AGTPBP1: variants seen among roughly 807,000 people sequenced by gnomAD.
The protein encoded by AGTPBP1 is cytosolic carboxypeptidase 1.
A neutral mutation model predicts 143.9 loss-of-function variants in AGTPBP1; 70 were observed. The ratio of observed to expected loss-of-function variants is 0.49; its 90% CI spans 0.40 to 0.59. The LOEUF (loss-of-function observed/expected upper bound fraction) is 0.59. AGTPBP1 is among the 20% of genes least tolerant of loss of function. The pLI is 0.00. For synonymous variants in AGTPBP1, 463 were observed against 500.2 expected (o/e 0.93, Z 0.99); for missense variants, 1,229 against 1,464.5 (o/e 0.84, Z 2.62).
At chr9:85,801,205 G>C in the AGTPBP1 span, among the ~76,000 whole-genome samples, 2 of 151,964 alleles carry the variant, frequency 1.3e-5, no homozygotes, top group Non-Finnish European at 1.5e-5. Context: ...CCAGCTACTC[G>C]GGAGGCTGAG....
At position 85,655,179 on chromosome 9, in the gene AGTPBP1, C is replaced by T. The variant is rs1204687927; in HGVS notation, c.1051G>A (p.Gly351Ser). ...AAGCTGTAGAGCTGAGCCACAGGAC[C>T]AGTCACAGGAATAACAGGCAACTGG... ...HFQLPVIPVT[G>S]PVAQLYSLPP... The change falls in exon 11 of 26, where the codon GGT (glycine) becomes AGT (serine). Residue 351 changes from glycine (G) to serine (S), a missense_variant. Physicochemically the swap from Gly to Ser is moderately conservative, Grantham distance 56. Coordinates refer to ENST00000357081, the MANE Select transcript of AGTPBP1 (RefSeq NM_001330701.2). 6.2e-7 allele frequency: 1 copy of T among 1,613,558 alleles called. No homozygotes were observed. The highest frequency in any genetic ancestry group is 1.1e-5 in the South Asian group (1 of 91,000).
intron 17 of AGTPBP1, among the ~76,000 whole-genome samples, chr9:85,596,957 T>C (rs533508132): frequency 2.0e-5 from 3 of 152,250 alleles, no homozygotes; most frequent in African/African-American, 7.2e-5. Flanking sequence ...TGGATATTCT[T>C]AGAAATATAT....
chr9:85,776,735 CATT>C, the AGTPBP1 span, among the ~76,000 whole-genome samples: 1 of 152,234 alleles, frequency 6.6e-6, no homozygotes, highest in Non-Finnish European at 1.5e-5. Flanking sequence ...TTAATGGAAT[CATT>C]GTTGTGTCTC....
At chr9:85,709,596 A>G (rs532940154) in intron 2 of AGTPBP1, among the ~76,000 whole-genome samples, 1 of 152,336 alleles carries the variant, frequency 6.6e-6, no homozygotes, top group Non-Finnish European at 1.5e-5. Context: ...AATGGACAAC[A>G]GATTCTATAC....
chr9:85,548,673 T>G (rs867682854), intron 25 of AGTPBP1, among the ~76,000 whole-genome samples: 1,491 of 142,836 alleles, frequency 0.01, 29 homozygotes, highest in African/African-American at 0.041. Context: ...TGGTTTTTTT[T>G]TGTTTTTGTT....
intron 7 of AGTPBP1, 79 bp from the exon 8 acceptor site, chr9:85,669,657 A>C (rs552883735): frequency 6.0e-6 from 5 of 831,154 alleles, no homozygotes; most frequent in South Asian, 4.5e-5. Flanking sequence ...ATACATAGGC[A>C]AAAACATATA....
intron 2 of AGTPBP1, among the ~76,000 whole-genome samples, chr9:85,708,328 G>C (rs1350032670): frequency 1.3e-5 from 2 of 152,000 alleles, no homozygotes; most frequent in Non-Finnish European, 2.9e-5. Flanking sequence ...TCTACATCAA[G>C]ATGCTCAATT....
At chr9:85,637,899 G>C (rs1022092929) in intron 13 of AGTPBP1, among the ~76,000 whole-genome samples, 4 of 152,156 alleles carry the variant, frequency 2.6e-5, no homozygotes, top group African/African-American at 9.7e-5. Context: ...GACAGCATGT[G>C]CACAAGTGCA....
intron 17 of AGTPBP1, among the ~76,000 whole-genome samples, chr9:85,607,323 T>C (rs1830050568): frequency 6.6e-6 from 1 of 152,070 alleles, no homozygotes; most frequent in Non-Finnish European, 1.5e-5. Flanking sequence ...AACAATGTAT[T>C]CTCATATCAC....
chr9:85,692,905 T>C, intron 2 of AGTPBP1, 92 bp from the exon 3 acceptor site: 1 of 1,421,414 alleles, frequency 7.0e-7, no homozygotes, highest in Non-Finnish European at 9.6e-7. Flanking sequence ...AATTCTACTC[T>C]TTTAAAAACA....
intron 25 of AGTPBP1, among the ~76,000 whole-genome samples, chr9:85,552,575 T>C (rs967227123): frequency 1.3e-5 from 2 of 152,190 alleles, no homozygotes; most frequent in African/African-American, 4.8e-5. Context: ...ATTTCCTCTC[T>C]CTGAGCACAG....
At chr9:85,716,057 G>A (rs547227346) in intron 1 of AGTPBP1, among the ~76,000 whole-genome samples, 4 of 152,128 alleles carry the variant, frequency 2.6e-5, no homozygotes, top group Non-Finnish European at 5.9e-5. Context: ...TATGCACACT[G>A]TCAACAAGTC....
chr9:85,599,035 A>G (rs895148619), intron 17 of AGTPBP1, among the ~76,000 whole-genome samples: 1 of 151,820 alleles, frequency 6.6e-6, no homozygotes, highest in African/African-American at 2.4e-5. Context: ...TGACACTAAT[A>G]TTAACCACTT....
intron 2 of AGTPBP1, 140 bp from the exon 3 acceptor site, chr9:85,692,953 A>G: frequency 1.3e-6 from 1 of 744,052 alleles, no homozygotes; most frequent in Non-Finnish European, 2.1e-6. Flanking sequence ...ACTCTGTTCT[A>G]TAGCTTAATA....
chr9:85,672,823 C>G (rs971370952), intron 6 of AGTPBP1, 142 bp from the exon 7 acceptor site: 5 of 568,628 alleles, frequency 8.8e-6, no homozygotes, highest in Non-Finnish European at 1.4e-5. Flanking sequence ...CAACCTCTGG[C>G]TCCCAGGTTG....
At chr9:85,556,715 C>T (rs1416913781) in intron 25 of AGTPBP1, among the ~76,000 whole-genome samples, 1 of 152,104 alleles carries the variant, frequency 6.6e-6, no homozygotes, top group Non-Finnish European at 1.5e-5. Flanking sequence ...AGAAGCATTA[C>T]CAAAGAAGAG....
At chr9:85,657,289 A>G in intron 10 of AGTPBP1, 146 bp downstream of exon 10, 1 of 683,926 alleles carries the variant, frequency 1.5e-6, no homozygotes. Flanking sequence ...TGTGAGAAAT[A>G]ATTGTGTCTT....
intron 23 of AGTPBP1, among the ~76,000 whole-genome samples, chr9:85,584,441 C>T (rs545450841): frequency 5.8e-4 from 89 of 152,226 alleles, no homozygotes; most frequent in African/African-American, 2.1e-3. Context: ...CACAGAAAGG[C>T]TATTTGTGAG....
intron 12 of AGTPBP1, among the ~76,000 whole-genome samples, chr9:85,645,309 C>G (rs1017604299): frequency 6.6e-6 from 1 of 152,076 alleles, no homozygotes; most frequent in Non-Finnish European, 1.5e-5. Flanking sequence ...GTGAATAATG[C>G]AAGCTAACAA....
Sources: gnomAD v4.1 joint callset for allele counts (sites outside exome capture counted in the v4.1 genomes callset) on GRCh38, gnomAD v4.1.1 for gene constraint, MANE v1.5 for transcripts, NCBI Gene and HGNC (gene_info 2026-07-23, HGNC 2026-07-21) for gene names.